SLC9C1: variants seen among roughly 807,000 people sequenced by gnomAD.
The protein encoded by SLC9C1 is solute carrier family 9 member C1, also known as sodium/hydrogen exchanger 10.
A neutral mutation model predicts 140.9 loss-of-function variants in SLC9C1; 97 were observed. That is an observed-to-expected ratio of 0.69 (90% CI 0.58 to 0.82). The LOEUF (loss-of-function observed/expected upper bound fraction) is 0.82, where lower values mean the gene tolerates loss of function less well. Among genes scored for constraint, SLC9C1 ranks in the 40% least tolerant of loss-of-function variants. The pLI is 0.00. For synonymous variants in SLC9C1, 440 were observed against 442.6 expected, an observed-to-expected ratio of 0.99 and a Z score of 0.07; for missense variants, 1,340 against 1,389.3, an observed-to-expected ratio of 0.96 and a Z score of 0.56.
At chr3:112,293,590 G>T (rs2080752448) in intron 1 of SLC9C1, among the ~76,000 whole-genome samples, 2 of 152,088 alleles carry the variant, frequency 1.3e-5, no homozygotes, top group Non-Finnish European at 2.9e-5. Flanking sequence ...ATTTTATATT[G>T]ATACCAGAGG....
chr3:112,214,913 G>T (rs1040179964), intron 15 of SLC9C1, among the ~76,000 whole-genome samples: 2 of 148,036 alleles, frequency 1.4e-5, no homozygotes, highest in African/African-American at 2.5e-5. Context: ...CAAAAAAAGA[G>T]AATTTTAGAC....
chr3:112,285,899 G>C (rs988738256), intron 2 of SLC9C1, among the ~76,000 whole-genome samples: 1 of 152,082 alleles, frequency 6.6e-6, no homozygotes, highest in African/African-American at 2.4e-5. Context: ...CTGAGTAGGC[G>C]GGACTACTGG....
chr3:112,199,268 T>C, intron 20 of SLC9C1, 53 bp downstream of exon 20: 2 of 1,375,656 alleles, frequency 1.5e-6, no homozygotes, highest in Non-Finnish European at 1.9e-6. Flanking sequence ...TTGAAGGTCA[T>C]GAATGATTAT....
In SLC9C1 at chr3:112,216,650, C is replaced by G. The variant is rs569571228; in HGVS notation, c.1790+792G>C. Among the ~76,000 whole-genome samples, 48 of 152,274 alleles carry G rather than the reference C, an allele frequency of 3.2e-4. 1 individual carries two copies. The South Asian group carries it at 9.1e-3, about 29-fold the overall frequency. On this transcript the variant is annotated intron_variant, in intron 15 of 28. Transcript: ENST00000305815. Reference sequence around the variant, plus strand: ...ATCAGAGAAATGCAAATCAAAATCACAATGAGATACCATCTCACACCAGTT... The same window carrying G: ...ATCAGAGAAATGCAAATCAAAATCAGAATGAGATACCATCTCACACCAGTT...
chr3:112,198,208 G>C (rs1393276413), intron 20 of SLC9C1, among the ~76,000 whole-genome samples: 1 of 151,810 alleles, frequency 6.6e-6, no homozygotes, highest in Non-Finnish European at 1.5e-5. Flanking sequence ...AGAATTTAGA[G>C]TTTCTAATTG....
chr3:112,211,913 G>A (rs1315092544), intron 15 of SLC9C1, among the ~76,000 whole-genome samples: 2 of 152,244 alleles, frequency 1.3e-5, no homozygotes, highest in Non-Finnish European at 2.9e-5. Flanking sequence ...GCCTCCTCAA[G>A]TGGATCTCTG....
At chr3:112,250,182 G>A (rs992439155) in intron 10 of SLC9C1, among the ~76,000 whole-genome samples, 29 of 151,396 alleles carry the variant, frequency 1.9e-4, no homozygotes, top group African/African-American at 3.6e-4. Flanking sequence ...TTGTCCTTGC[G>A]ACAGTTTGCT....
rs114855870 is a variant in SLC9C1, at chr3:112,245,089, A to G, written c.1198-1013T>C. 9.9e-3 allele frequency among the ~76,000 whole-genome samples: 1,504 copies of G among 152,326 alleles called. 24 individuals carry two copies. Among genetic ancestry groups the G allele is most frequent in the African/African-American group, 0.034 (1,401 of 41,572 alleles). On this transcript the variant is annotated intron_variant, in intron 10 of 28. Transcript: ENST00000305815. ...CTCTAATGCTCCTTCCTAATAAGTC[A>G]TTCACCAATGAGAGGCAGCTAGTAT...
chr3:112,188,761 T>C (rs568740705), intron 20 of SLC9C1, among the ~76,000 whole-genome samples: 1 of 152,364 alleles, frequency 6.6e-6, no homozygotes, highest in African/African-American at 2.4e-5. Context: ...AGTAATGGGA[T>C]GGCTGGGTCA....
chr3:112,277,973 C>CTCCTGTGTCTGCTGGTGGGTA, intron 4 of SLC9C1, 113 bp from the exon 5 acceptor site: 1 of 839,812 alleles, frequency 1.2e-6, no homozygotes, highest in Non-Finnish European at 1.8e-6. Flanking sequence ...ACAGTACCCA[C>CTCCTGTGTCTGCTGGTGGGTA]CAGCAGACAC....
rs958691309 is a variant in SLC9C1 at position 112,156,327 on chromosome 3, G to T, written c.3365-1278C>A. 2.7e-4 allele frequency among the ~76,000 whole-genome samples: 41 copies of T among 152,006 alleles called. 1 individual carries two copies. Among genetic ancestry groups the T allele is most frequent in the South Asian group, 2.1e-4 (1 of 4,826 alleles). On this transcript the variant is annotated intron_variant, in intron 26 of 28. Coordinates refer to ENST00000305815, the MANE Select transcript of SLC9C1 (RefSeq NM_183061.3). ...TTCAAACACATTGCAGCAAATGAGA[G>T]AATTTTATTGTTTTTTTAATGGCTA...
intron 20 of SLC9C1, among the ~76,000 whole-genome samples, chr3:112,196,855 TTGTC>T (rs993776842): frequency 6.6e-6 from 1 of 152,144 alleles, no homozygotes; most frequent in Non-Finnish European, 1.5e-5. Flanking sequence ...TTTAAAGTCT[TTGTC>T]TGGTAGACCT....
intron 20 of SLC9C1, among the ~76,000 whole-genome samples, chr3:112,194,529 A>T (rs1304384972): frequency 1.3e-5 from 2 of 152,164 alleles, no homozygotes; most frequent in Non-Finnish European, 2.9e-5. Context: ...CATCTTGCCT[A>T]TGTCACTGTA....
At chr3:112,164,139 A>G (rs1359090818) in intron 26 of SLC9C1, among the ~76,000 whole-genome samples, 2 of 151,602 alleles carry the variant, frequency 1.3e-5, no homozygotes, top group Admixed American at 6.6e-5. Flanking sequence ...ATTTTCCTCC[A>G]TCCTTTTATT....
chr3:112,270,120 G>C (rs772313951), intron 6 of SLC9C1, 43 bp from the exon 7 acceptor site: 1 of 1,416,292 alleles, frequency 7.1e-7, no homozygotes, highest in Non-Finnish European at 9.3e-7. Context: ...AATAGAACTT[G>C]CCGTTAATTT....
intron 10 of SLC9C1, among the ~76,000 whole-genome samples, chr3:112,256,130 G>A (rs1218047170): frequency 6.6e-6 from 1 of 151,822 alleles, no homozygotes; most frequent in African/African-American, 2.4e-5. Context: ...AAATTTGCAG[G>A]CTAATTCTAC....
At chr3:112,289,199 G>A (rs560514629) in intron 1 of SLC9C1, among the ~76,000 whole-genome samples, 2 of 152,326 alleles carry the variant, frequency 1.3e-5, no homozygotes, top group South Asian at 2.1e-4. Flanking sequence ...AAATACATCT[G>A]TAGTTAACAA....
rs1174536985 is a variant in SLC9C1, at chr3:112,230,077, G to A, written c.1572+1284C>T. On this transcript the variant is annotated intron_variant, in intron 13 of 28. Transcript: ENST00000305815. Reference sequence around the variant, plus strand: ...AATTGTTGTGGCTTAAAGAAGCCATGGTTGGCTGTTCAGGTTCACCTATGG... The same window carrying A: ...AATTGTTGTGGCTTAAAGAAGCCATAGTTGGCTGTTCAGGTTCACCTATGG... 2.0e-5 allele frequency among the ~76,000 whole-genome samples: 3 copies of A among 152,086 alleles called. 1 individual carries two copies. The highest frequency in any genetic ancestry group is 1.3e-4 in the Admixed American group (2 of 15,256).
intron 1 of SLC9C1, among the ~76,000 whole-genome samples, chr3:112,292,076 G>A (rs769057748): frequency 3.3e-5 from 5 of 152,144 alleles, no homozygotes; most frequent in South Asian, 4.1e-4. Flanking sequence ...TTCAGAACAC[G>A]TGGACACATA....
Sources: allele counts gnomAD v4.1 joint callset (sites outside exome capture counted in the v4.1 genomes callset), GRCh38; gene constraint gnomAD v4.1.1; transcripts MANE v1.5; gene names NCBI Gene and HGNC (gene_info 2026-07-23, HGNC 2026-07-21).